Variants in SLC24A2 observed in about 807,000 individuals in gnomAD.
SLC24A2 encodes the protein sodium/potassium/calcium exchanger 2.
A neutral mutation model predicts 62.0 loss-of-function variants in SLC24A2; 36 were observed. That is an observed-to-expected ratio of 0.58 (90% confidence interval 0.44 to 0.77). The LOEUF is 0.77. Ranked by LOEUF, SLC24A2 falls within the 30% of genes least tolerant of loss-of-function variation. The pLI is 0.00. For synonymous variants in SLC24A2, 358 were observed against 294.0 expected (o/e 1.22, Z -2.23); for missense variants, 846 against 817.9 (o/e 1.03, Z -0.42).
chr9:19,509,885 C>A lies in SLC24A2; in HGVS notation c.*6268G>T, dbSNP rs907967591. Reference sequence around the variant, plus strand: ...ACAAATTCCCATCCTTTTGGTGAACCCTGGCCCATGAGATCAATCAGTAGC... The same window carrying A: ...ACAAATTCCCATCCTTTTGGTGAACACTGGCCCATGAGATCAATCAGTAGC... On this transcript the variant is annotated 3_prime_UTR_variant, in exon 11 of 11. Coordinates refer to ENST00000341998, the MANE Select transcript of SLC24A2 (RefSeq NM_020344.4). 1 of 150,276 alleles carries A rather than the reference C, an allele frequency of 6.7e-6. No individual in the cohort carries two copies. Among genetic ancestry groups the A allele is most frequent in the African/African-American group, 2.4e-5 (1 of 41,360 alleles). 9.3% of individuals were successfully genotyped at this position (150,276 alleles called of 1,614,324 possible).
chr9:19,829,799 A>G, the SLC24A2 span, among the ~76,000 whole-genome samples: 7,831 of 94,056 alleles, frequency 0.083, 715 homozygotes, highest in African/African-American at 0.27. Context: ...GTGTGTGTGT[A>G]TATATATATA....
intron 2 of SLC24A2, among the ~76,000 whole-genome samples, chr9:19,671,577 T>TG (rs1819417115): frequency 6.6e-6 from 1 of 152,084 alleles, no homozygotes; most frequent in Non-Finnish European, 1.5e-5. Flanking sequence ...TCTGGCTAGG[T>TG]CTCCCAGCAC....
chr9:19,978,878 A>G, the SLC24A2 span, among the ~76,000 whole-genome samples: 1 of 152,196 alleles, frequency 6.6e-6, no homozygotes, highest in African/African-American at 2.4e-5. Flanking sequence ...ACTGAACAAA[A>G]AAGGCACATT....
At chr9:20,193,195 G>A in the SLC24A2 span, among the ~76,000 whole-genome samples, 6 of 152,264 alleles carry the variant, frequency 3.9e-5, no homozygotes, top group African/African-American at 1.2e-4. Flanking sequence ...AATATTGGAT[G>A]CATATACCAA....
chr9:19,566,866 A>C (rs540961384), intron 7 of SLC24A2, among the ~76,000 whole-genome samples: 2 of 152,262 alleles, frequency 1.3e-5, no homozygotes, highest in South Asian at 4.1e-4. Flanking sequence ...AAGAACAAAA[A>C]ACCAAACACA....
At chr9:19,520,829 G>C (rs1306346956) in intron 10 of SLC24A2, 65 bp downstream of exon 10, 2 of 1,503,332 alleles carry the variant, frequency 1.3e-6, no homozygotes, top group Non-Finnish European at 1.9e-6. Context: ...TGTCTTTCCA[G>C]CTTCTAAGAA....
chr9:19,820,056 C>CATATATAT, the SLC24A2 span, among the ~76,000 whole-genome samples: 1 of 20,734 alleles, frequency 4.8e-5, no homozygotes, highest in African/African-American at 8.9e-5. Context: ...TATATATATA[C>CATATATAT]ACATATATAT....
At chr9:20,190,057 A>T in the SLC24A2 span, among the ~76,000 whole-genome samples, 1 of 152,130 alleles carries the variant, frequency 6.6e-6, no homozygotes, top group Admixed American at 6.5e-5. Flanking sequence ...GGGGTTAATT[A>T]ATTTCCTCTC....
chr9:19,828,088 A>T, the SLC24A2 span, among the ~76,000 whole-genome samples: 3 of 152,304 alleles, frequency 2.0e-5, no homozygotes, highest in African/African-American at 7.2e-5. Context: ...AAATAGTCCT[A>T]TGATGATTCC....
intron 2 of SLC24A2, among the ~76,000 whole-genome samples, chr9:19,687,736 A>C (rs937688099): frequency 4.0e-4 from 61 of 151,944 alleles, no homozygotes; most frequent in African/African-American, 1.4e-3. Context: ...TCAGATTCCT[A>C]CCAGTTACTA....
At chr9:20,135,443 C>G in the SLC24A2 span, among the ~76,000 whole-genome samples, 2 of 151,948 alleles carry the variant, frequency 1.3e-5, no homozygotes, top group South Asian at 4.2e-4. Context: ...AATCCTGTTT[C>G]TGCCACTTAT....
chr9:20,260,139 C>T, the SLC24A2 span, among the ~76,000 whole-genome samples: 3 of 152,178 alleles, frequency 2.0e-5, no homozygotes, highest in Admixed American at 6.5e-5. Context: ...AATTAGACCA[C>T]GAGGGCTCCA....
chr9:19,983,573 G>C, the SLC24A2 span, among the ~76,000 whole-genome samples: 3 of 152,276 alleles, frequency 2.0e-5, no homozygotes, highest in East Asian at 5.8e-4. Context: ...TACCCAGGAC[G>C]TGGAGGTTGT....
chr9:20,231,662 A>C, the SLC24A2 span, among the ~76,000 whole-genome samples: 3 of 152,144 alleles, frequency 2.0e-5, no homozygotes, highest in South Asian at 2.1e-4. Context: ...TCTAGATATA[A>C]AATCATGTCA....
chr9:19,738,397 C>A (rs1821571473), intron 2 of SLC24A2, among the ~76,000 whole-genome samples: 1 of 151,660 alleles, frequency 6.6e-6, no homozygotes, highest in Non-Finnish European at 1.5e-5. Flanking sequence ...GTAACAGATC[C>A]CGAGAGAGAG....
At chr9:19,848,172 G>A in the SLC24A2 span, among the ~76,000 whole-genome samples, 23 of 113,510 alleles carry the variant, frequency 2.0e-4, no homozygotes, top group African/African-American at 5.6e-4. Context: ...TATAGAAGAG[G>A]GGTTTATTTT....
the SLC24A2 span, among the ~76,000 whole-genome samples, chr9:20,249,549 A>C: frequency 6.6e-6 from 1 of 152,034 alleles, no homozygotes; most frequent in African/African-American, 2.4e-5. Context: ...TATTAAAAAC[A>C]CAAAAAAGTA....
intron 2 of SLC24A2, 52 bp from the exon 3 acceptor site, chr9:19,622,351 G>C: frequency 1.3e-6 from 2 of 1,518,710 alleles, no homozygotes; most frequent in Non-Finnish European, 1.8e-6. Context: ...AATAAATGAA[G>C]AATCACATAT....
At chr9:19,861,165 G>C in the SLC24A2 span, among the ~76,000 whole-genome samples, 4 of 152,168 alleles carry the variant, frequency 2.6e-5, no homozygotes, top group African/African-American at 4.8e-5. Context: ...GTGTGATCCA[G>C]TACACTCCTA....
Sources: allele counts gnomAD v4.1 joint callset (sites outside exome capture counted in the v4.1 genomes callset), GRCh38; gene constraint gnomAD v4.1.1; transcripts MANE v1.5; gene names NCBI Gene and HGNC (gene_info 2026-07-23, HGNC 2026-07-21).